The following MAPK10 variants were observed in gnomAD, a reference collection of about 807,000 sequenced individuals.
The protein encoded by MAPK10 is mitogen-activated protein kinase 10.
Under a neutral mutation model 59.3 loss-of-function variants are expected in MAPK10, and 25 were observed. The observed-to-expected ratio is 0.42, with a 90% confidence interval of 0.31 to 0.59. MAPK10 has a LOEUF of 0.59. Among genes scored for constraint, MAPK10 ranks in the 20% least tolerant of loss-of-function variants. MAPK10 has a pLI of 0.15. For missense variants in MAPK10, 351 were observed against 568.9 expected, an observed-to-expected ratio of 0.62 and a Z score of 3.90; for synonymous variants, 190 against 200.5, an observed-to-expected ratio of 0.95 and a Z score of 0.44.
intron 3 of MAPK10, among the ~76,000 whole-genome samples, chr4:86,186,266 G>C (rs111991024): frequency 1.3e-5 from 2 of 152,188 alleles, no homozygotes; most frequent in African/African-American, 2.4e-5. Context: ...ATAAGGGATA[G>C]AAATGGAATT....
rs17011806 is a variant in MAPK10 at position 86,349,869 on chromosome 4, A to T, written c.-7+4661T>A. ...CATAGAGTCACAAACGTCTTAAAGG[A>T]TGGAAAGGAGTAAGTAAGGGCTGTG... On this transcript the variant is annotated intron_variant, in intron 2 of 13. Coordinates refer to ENST00000641462, the MANE Select transcript of MAPK10 (RefSeq NM_138982.4). 9.9e-3 allele frequency among the ~76,000 whole-genome samples: 1,504 copies of T among 152,174 alleles called. 17 individuals carry two copies. Among genetic ancestry groups the T allele is most frequent in the African/African-American group, 0.034 (1,425 of 41,532 alleles).
At chr4:86,553,372 A>G (rs1213196507) in intron 1 of MAPK10, among the ~76,000 whole-genome samples, 2 of 152,162 alleles carry the variant, frequency 1.3e-5, no homozygotes, top group African/African-American at 2.4e-5. Flanking sequence ...AGAGCCCACA[A>G]AGCTGAGAGA....
In MAPK10 at chr4:86,044,449, C is replaced by G. The variant is rs984021102; in HGVS notation, c.1111-13018G>C. 15 of 296,288 alleles carry G rather than the reference C, an allele frequency of 5.1e-5. No individual in the cohort carries two copies. The Admixed American group carries it at 7.1e-4, about 14-fold the overall frequency. 18.4% of individuals were successfully genotyped at this position (296,288 alleles called of 1,614,324 possible). ...GCAAAGATTAAGACCTCTGCTCTAA[C>G]CACTTATACAGTAGAGAAGCAAGTC... is the stretch of plus-strand genomic sequence containing the variant. On this transcript the variant is annotated intron_variant, in intron 11 of 13. Transcript: ENST00000641462.
chr4:86,264,888 C>CTTT (rs397879051), intron 2 of MAPK10, among the ~76,000 whole-genome samples: 1,613 of 95,002 alleles, frequency 0.017, 22 homozygotes, highest in Non-Finnish European at 0.024. Flanking sequence ...TGGCCCTGGA[C>CTTT]TTTTTTTTTT....
At chr4:86,085,769 T>A (rs2149039195) in intron 9 of MAPK10, among the ~76,000 whole-genome samples, 1 of 152,316 alleles carries the variant, frequency 6.6e-6, no homozygotes, top group Admixed American at 6.5e-5. Context: ...AGGAAATCAG[T>A]ATATCGAAGA....
chr4:86,145,361 CAAA>C (rs1166418131), intron 4 of MAPK10, among the ~76,000 whole-genome samples: 1 of 55,332 alleles, frequency 1.8e-5, no homozygotes, highest in African/African-American at 6.3e-5. Flanking sequence ...GACACCGTCT[CAAA>C]AAAAAAAAAA....
intron 1 of MAPK10, among the ~76,000 whole-genome samples, chr4:86,587,734 T>G (rs977060182): frequency 6.6e-6 from 1 of 152,224 alleles, no homozygotes; most frequent in Non-Finnish European, 1.5e-5. Context: ...TTTACAGATT[T>G]AGATTAGCCC....
At chr4:86,204,516 A>C (rs2083376405) in intron 2 of MAPK10, among the ~76,000 whole-genome samples, 1 of 151,988 alleles carries the variant, frequency 6.6e-6, no homozygotes. Context: ...AATTATTCCC[A>C]ATACTATAAT....
intron 1 of MAPK10, among the ~76,000 whole-genome samples, chr4:86,496,522 CATG>C (rs1180151926): frequency 6.6e-6 from 1 of 152,120 alleles, no homozygotes; most frequent in African/African-American, 2.4e-5. Flanking sequence ...ATACAAAGTA[CATG>C]ATACAACAGG....
chr4:86,547,419 C>A (rs1565020909), intron 1 of MAPK10, among the ~76,000 whole-genome samples: 1 of 152,238 alleles, frequency 6.6e-6, no homozygotes, highest in Non-Finnish European at 1.5e-5. Context: ...CCGCCCGGGG[C>A]AGTGAGGGGT....
intron 2 of MAPK10, among the ~76,000 whole-genome samples, chr4:86,318,392 T>C (rs552217095): frequency 8.5e-4 from 129 of 152,210 alleles, no homozygotes; most frequent in Non-Finnish European, 1.5e-3. Flanking sequence ...AAAAAAACTA[T>C]TTTGAACTAG....
chr4:86,355,319 G>A (rs989814626), intron 1 of MAPK10, among the ~76,000 whole-genome samples: 1 of 152,006 alleles, frequency 6.6e-6, no homozygotes, highest in Admixed American at 6.6e-5. Flanking sequence ...CCAAGTAAGA[G>A]TTTCTTTCCT....
chr4:86,186,695 T>C (rs1356829804), intron 3 of MAPK10, among the ~76,000 whole-genome samples: 2 of 152,140 alleles, frequency 1.3e-5, no homozygotes, highest in Non-Finnish European at 2.9e-5. Context: ...TCTGCTTAAG[T>C]ATGAATAAGG....
At chr4:86,543,958 A>G (rs948322352) in intron 1 of MAPK10, among the ~76,000 whole-genome samples, 5 of 152,256 alleles carry the variant, frequency 3.3e-5, no homozygotes, top group Admixed American at 1.3e-4. Context: ...CATACTGGGT[A>G]TATTCTGGAT....
At chr4:86,048,825 AATTC>A (rs1403234284) in intron 11 of MAPK10, among the ~76,000 whole-genome samples, 5 of 152,140 alleles carry the variant, frequency 3.3e-5, no homozygotes, top group African/African-American at 9.7e-5. Context: ...TAATTTTTTT[AATTC>A]CAAAGTGTCT....
chr4:86,578,008 ATTAATAAG>A (rs1433043787), intron 1 of MAPK10, among the ~76,000 whole-genome samples: 1 of 152,164 alleles, frequency 6.6e-6, no homozygotes, highest in Non-Finnish European at 1.5e-5. Context: ...TAATACCTAT[ATTAATAAG>A]GTAGTAATTT....
At chr4:86,480,775 T>C (rs1364562982) in intron 1 of MAPK10, among the ~76,000 whole-genome samples, 1 of 152,094 alleles carries the variant, frequency 6.6e-6, no homozygotes, top group East Asian at 1.9e-4. Context: ...AAAAGACAGG[T>C]TAAGAGAAAA....
At chr4:86,316,457 G>C (rs1578143499) in intron 2 of MAPK10, among the ~76,000 whole-genome samples, 1 of 152,020 alleles carries the variant, frequency 6.6e-6, no homozygotes, top group East Asian at 1.9e-4. Context: ...TCCTTTCCAG[G>C]GATATCTCAC....
chr4:86,266,689 T>C (rs1266856846), intron 2 of MAPK10, among the ~76,000 whole-genome samples: 1 of 152,166 alleles, frequency 6.6e-6, no homozygotes, highest in Non-Finnish European at 1.5e-5. Context: ...TCTCAGTGAA[T>C]CATAAATGAA....
Sources: gnomAD v4.1 joint callset for allele counts (sites outside exome capture counted in the v4.1 genomes callset) on GRCh38, gnomAD v4.1.1 for gene constraint, MANE v1.5 for transcripts, NCBI Gene and HGNC (gene_info 2026-07-23, HGNC 2026-07-21) for gene names.